Variants in DYSF observed in about 807,000 individuals in gnomAD.
DYSF encodes dystrophy-associated fer-1-like 1.
Under a neutral mutation model 274.9 loss-of-function variants are expected in DYSF, and 212 were observed. The ratio of observed to expected loss-of-function variants is 0.77; its 90% CI spans 0.69 to 0.86. DYSF has a LOEUF of 0.86. Among genes scored for constraint, DYSF ranks in the 40% least tolerant of loss-of-function variants. The probability of loss-of-function intolerance (pLI) is 0.00; values close to 1 mark genes in which losing one functional copy is unlikely to be tolerated. For missense variants in DYSF, 2,666 were observed against 2,783.2 expected, an observed-to-expected ratio of 0.96 and a Z score of 0.95; for synonymous variants, 1,091 against 1,078.7, an observed-to-expected ratio of 1.01 and a Z score of -0.22.
intron 52 of DYSF, among the ~76,000 whole-genome samples, chr2:71,675,153 G>A (rs1298035008): frequency 6.6e-6 from 1 of 152,072 alleles, no homozygotes; most frequent in Non-Finnish European, 1.5e-5. Flanking sequence ...ATTGGGGGAG[G>A]GGGGATGGGG....
upstream of DYSF, among the ~76,000 whole-genome samples, chr2:71,463,342 C>T (rs80255579): frequency 2.0e-5 from 3 of 152,188 alleles, no homozygotes; most frequent in Non-Finnish European, 4.4e-5. Context: ...AGAGATGGGG[C>T]GAAGGCACTT....
At position 71,467,025 on chromosome 2, in the gene DYSF, C is replaced by A. The variant is rs1218794313; in HGVS notation, c.91+92C>A. The A allele has an allele frequency of 4.7e-6, 7 of 1,487,168 alleles. No individual in the cohort carries two copies. In the African/African-American group the frequency reaches 5.6e-5, roughly 12 times the overall value. 92.1% of individuals were successfully genotyped at this position (1,487,168 alleles called of 1,614,324 possible). Reference sequence around the variant, plus strand: ...TCTGAAGCCCCTGCTCCGGAGCTAACCCTAGTCCAGGCCACAGTTTCTCCC... The same window carrying A: ...TCTGAAGCCCCTGCTCCGGAGCTAAACCTAGTCCAGGCCACAGTTTCTCCC... On this transcript the variant is annotated intron_variant, in intron 1 of 55. Coordinates refer to ENST00000410020, the MANE Select transcript of DYSF (RefSeq NM_001130987.2).
chr2:71,531,428 G>A (rs915285069), intron 14 of DYSF, among the ~76,000 whole-genome samples: 6 of 151,988 alleles, frequency 3.9e-5, no homozygotes, highest in East Asian at 2.0e-4. Context: ...GTCTCCCAGC[G>A]TGTATGTTGG....
intron 36 of DYSF, among the ~76,000 whole-genome samples, chr2:71,608,658 C>T (rs4290680): frequency 0.16 from 24,828 of 152,096 alleles, 4,105 homozygotes; most frequent in African/African-American, 0.43. Flanking sequence ...GTTCCCCTGT[C>T]CTCAGCAAGC....
intron 4 of DYSF, among the ~76,000 whole-genome samples, chr2:71,508,057 A>G (rs2085680539): frequency 6.6e-6 from 1 of 152,244 alleles, no homozygotes; most frequent in Non-Finnish European, 1.5e-5. Flanking sequence ...GGCCGGAGTC[A>G]GCATGGATGG....
rs1235233076 is a variant in DYSF at position 71,574,323 on chromosome 2, A to G, written c.3354A>G (p.Pro1118=). Reference sequence around the variant, plus strand: ...GCCGCTGGCGCCGTCGCATGGAGCCACTGGAGAAGACGGGGCCTGCAGCTG... The same window carrying G: ...GCCGCTGGCGCCGTCGCATGGAGCCGCTGGAGAAGACGGGGCCTGCAGCTG... ...RRRRWRRRME[P]LEKTGPAAVF... Residue 1118 remains proline, a synonymous_variant, in exon 30 of 56, where the codon CCA becomes CCG. Coordinates refer to ENST00000410020, the MANE Select transcript of DYSF (RefSeq NM_001130987.2). 1 of 1,614,130 alleles carries G rather than the reference A, an allele frequency of 6.2e-7. No homozygotes were observed. The highest frequency in any genetic ancestry group is 1.7e-4 in the Middle Eastern group (1 of 6,060).
rs548330242 is a variant in DYSF at position 71,653,794 on chromosome 2, A to C, written c.4627-2368A>C. On this transcript the variant is annotated intron_variant, in intron 42 of 55. Transcript: ENST00000410020. ...CCTGCACATTGTGCACATGTACCCT[A>C]AAACTTAAAGTATAATAAAAAAATA... Among the ~76,000 whole-genome samples the C allele has an allele frequency of 1.1e-4, 16 of 152,224 alleles. No individual in the cohort carries two copies. The South Asian group carries it at 3.1e-3, about 30-fold the overall frequency.
At chr2:71,522,195 C>A (rs536605576) in intron 12 of DYSF, among the ~76,000 whole-genome samples, 109 of 151,900 alleles carry the variant, frequency 7.2e-4, no homozygotes, top group African/African-American at 2.6e-3. Context: ...TTTCTCCCCA[C>A]CCCTCCTCTC....
chr2:71,685,846 T>G (rs546543247), intron 55 of DYSF, among the ~76,000 whole-genome samples: 27 of 152,230 alleles, frequency 1.8e-4, no homozygotes, highest in Non-Finnish European at 2.9e-4. Context: ...TCATGGTTTT[T>G]GGGGGGAGAA....
intron 48 of DYSF, among the ~76,000 whole-genome samples, chr2:71,668,298 CTTAAT>C (rs2095054118): frequency 6.6e-6 from 1 of 152,200 alleles, no homozygotes; most frequent in African/African-American, 2.4e-5. Context: ...GCAGAAGTGA[CTTAAT>C]TGAATTACTT....
At chr2:71,535,480 G>C (rs145785417) in intron 16 of DYSF, among the ~76,000 whole-genome samples, 169 bp downstream of exon 16, 2 of 151,992 alleles carry the variant, frequency 1.3e-5, no homozygotes, top group African/African-American at 2.4e-5. Flanking sequence ...GCAGTTCCTC[G>C]GAAGCTTACT....
At position 71,615,953 on chromosome 2, in the gene DYSF, C is replaced by T. The variant is rs2093873058; in HGVS notation, c.4464+2543C>T. 6.6e-6 allele frequency among the ~76,000 whole-genome samples: 1 copy of T among 152,188 alleles called. No individual in the cohort carries two copies. The highest frequency in any genetic ancestry group is 1.5e-5 in the Non-Finnish European group (1 of 68,044). On this transcript the variant is annotated intron_variant, in intron 40 of 55. Coordinates refer to ENST00000410020, the MANE Select transcript of DYSF (RefSeq NM_001130987.2). This position sits in a 1 kb window ranked among gnomAD's most constrained non-coding sequence, Gnocchi z 4.9. The stretch of plus-strand genomic sequence containing the variant: ...TCCTGGCTGTGGTCCTAGGACCCCT[C>T]CTAGCTCAAACCTGCTCTTGCCAGA...
chr2:71,530,367 T>C (rs910052867), intron 14 of DYSF, among the ~76,000 whole-genome samples: 1 of 152,236 alleles, frequency 6.6e-6, no homozygotes, highest in South Asian at 2.1e-4. Context: ...TTCACATTCA[T>C]TGGAACTAAG....
intron 1 of DYSF, among the ~76,000 whole-genome samples, chr2:71,479,740 G>A (rs1005135796): frequency 1.3e-5 from 2 of 152,182 alleles, no homozygotes; most frequent in Non-Finnish European, 2.9e-5. Context: ...GGGGCACAGT[G>A]GGTCAGCTCT....
chr2:71,455,056 C>G (rs1160589357), intron 1 of DYSF, among the ~76,000 whole-genome samples: 1 of 152,206 alleles, frequency 6.6e-6, no homozygotes, highest in African/African-American at 2.4e-5. Context: ...ACATCCCAGA[C>G]TTCCAGAAAT....
chr2:71,623,027 T>C (rs1421352030), intron 41 of DYSF, among the ~76,000 whole-genome samples: 1 of 152,258 alleles, frequency 6.6e-6, no homozygotes, highest in East Asian at 1.9e-4. Flanking sequence ...GTTAATATAG[T>C]GTATAATTGT....
intron 52 of DYSF, among the ~76,000 whole-genome samples, chr2:71,676,654 T>C (rs928829106): frequency 6.6e-6 from 1 of 152,102 alleles, no homozygotes; most frequent in Admixed American, 6.5e-5. Flanking sequence ...CCTGTGTTTT[T>C]TACTGACTGA....
chr2:71,534,633 G>C (rs1397593672), intron 14 of DYSF, among the ~76,000 whole-genome samples: 1 of 152,206 alleles, frequency 6.6e-6, no homozygotes, highest in Admixed American at 6.5e-5. Context: ...ATGGGCAAAA[G>C]AGCCTTCTGG....
At chr2:71,598,517 G>A (rs568206370) in intron 32 of DYSF, 47 bp from the exon 33 acceptor site, 2 of 1,609,342 alleles carry the variant, frequency 1.2e-6, no homozygotes, top group East Asian at 4.5e-5. Flanking sequence ...CATCTCTCAG[G>A]GTCCCTGCTG....
Sources: gnomAD v4.1 joint callset for allele counts (sites outside exome capture counted in the v4.1 genomes callset) on GRCh38, gnomAD v4.1.1 for gene constraint, Gnocchi (gnomAD v3.1) non-coding constraint, MANE v1.5 for transcripts, NCBI Gene and HGNC (gene_info 2026-07-23, HGNC 2026-07-21) for gene names.